Variants in PIK3C2B observed in about 807,000 individuals in gnomAD.
PIK3C2B encodes phosphatidylinositol 4-phosphate 3-kinase C2 domain-containing subunit beta.
Under a neutral mutation model 184.3 loss-of-function variants are expected in PIK3C2B, and 83 were observed. The ratio of observed to expected loss-of-function variants is 0.45; its 90% CI spans 0.38 to 0.54. PIK3C2B has a LOEUF of 0.54. PIK3C2B is among the 20% of genes least tolerant of loss of function. The probability of loss-of-function intolerance (pLI) is 0.00; values close to 1 mark genes in which losing one functional copy is unlikely to be tolerated. For missense variants in PIK3C2B, 1,736 were observed against 2,113.5 expected (o/e 0.82, Z 3.50); for synonymous variants, 779 against 837.6 (o/e 0.93, Z 1.21).
At chr1:204,458,494 A>ATTTT (rs1158541930) in intron 8 of PIK3C2B, among the ~76,000 whole-genome samples, 3 of 142,118 alleles carry the variant, frequency 2.1e-5, no homozygotes, top group African/African-American at 2.6e-5. Flanking sequence ...GGCTATGACA[A>ATTTT]TTTTTTTTTT....
At chr1:204,438,767 G>A (rs1022330985) in intron 23 of PIK3C2B, among the ~76,000 whole-genome samples, 168 bp downstream of exon 23, 4 of 152,172 alleles carry the variant, frequency 2.6e-5, no homozygotes, top group African/African-American at 9.7e-5. Context: ...ATTTGAGTGA[G>A]TCACCCCCAG....
In PIK3C2B at chr1:204,446,061, GCGAGCACCAGGGGGAGCGAGCTCACCTC is replaced by G; in HGVS notation, c.2545_2572del (p.Glu849ProfsTer18). 1 of 1,601,760 alleles carries G rather than the reference GCGAGCACCAGGGGGAGCGAGCTCACCTC, an allele frequency of 6.2e-7. No individual in the cohort carries two copies. Among genetic ancestry groups the G allele is most frequent in the Non-Finnish European group, 8.5e-7 (1 of 1,171,696 alleles). ...AGCCCACTCCCAGCTGGGGGCGCTG[GCGAGCACCAGGGGGAGCGAGCTCACCTC>G]CGAGTGGCAGTAATATCGCTTCTCC... On this transcript the variant is annotated frameshift_variant, in exon 16 of 33. Coordinates refer to ENST00000684373, the MANE Select transcript of PIK3C2B (RefSeq NM_001377334.1). LOFTEE classifies it high-confidence loss of function.
At chr1:204,475,281 C>G (rs560130471) in intron 1 of PIK3C2B, among the ~76,000 whole-genome samples, 1 of 152,200 alleles carries the variant, frequency 6.6e-6, no homozygotes, top group African/African-American at 2.4e-5. Context: ...GTGATACCTC[C>G]GTGACTTGGT....
intron 5 of PIK3C2B, among the ~76,000 whole-genome samples, chr1:204,463,232 T>C (rs1001426863): frequency 6.6e-6 from 1 of 152,220 alleles, no homozygotes; most frequent in Admixed American, 6.5e-5. Context: ...CTCCTTTCTC[T>C]ATTCCCAAAA....
At chr1:204,468,342 T>C (rs1348684140) in intron 2 of PIK3C2B, among the ~76,000 whole-genome samples, 1 of 152,170 alleles carries the variant, frequency 6.6e-6, no homozygotes, top group Non-Finnish European at 1.5e-5. Context: ...CTGGCCCTGC[T>C]ATTGCTTGCT....
rs775816460 is a variant in PIK3C2B, at chr1:204,460,320, T to G, written c.1502+4A>C. On this transcript the variant is annotated splice_donor_region_variant and intron_variant, in intron 7 of 32. Transcript: ENST00000684373. Reference sequence around the variant, plus strand: ...AGCACATCCAAGATGGTGCCCACACTCACCTGCTGATGGTCTGCTTGACAG... The same window carrying G: ...AGCACATCCAAGATGGTGCCCACACGCACCTGCTGATGGTCTGCTTGACAG... 6.2e-7 allele frequency: 1 copy of G among 1,610,464 alleles called. No homozygotes were observed. Among genetic ancestry groups the G allele is most frequent in the East Asian group, 2.2e-5 (1 of 44,848 alleles).
chr1:204,453,229 T>C (rs1387148366), intron 12 of PIK3C2B, among the ~76,000 whole-genome samples: 1 of 152,118 alleles, frequency 6.6e-6, no homozygotes, highest in Admixed American at 6.6e-5. Flanking sequence ...AACAGGGGAT[T>C]TTCTGACTGA....
intron 12 of PIK3C2B, among the ~76,000 whole-genome samples, chr1:204,451,865 CA>C (rs1654387269): frequency 6.6e-6 from 1 of 152,174 alleles, no homozygotes; most frequent in South Asian, 2.1e-4. Flanking sequence ...AAGCCTGTGC[CA>C]AGTACTTTAT....
At chr1:204,469,948 T>TA (rs1438833803) in intron 1 of PIK3C2B, 62 bp from the exon 2 acceptor site, 1 of 611,930 alleles carries the variant, frequency 1.6e-6, no homozygotes, top group African/African-American at 1.9e-5. Flanking sequence ...TCATCCATAA[T>TA]AATCCAATTT....
chr1:204,443,524 A>C lies in PIK3C2B; in HGVS notation c.2941T>G (p.Cys981Gly). The C allele has an allele frequency of 1.9e-6, 3 of 1,614,228 alleles. No homozygotes were observed. Among genetic ancestry groups the C allele is most frequent in the Non-Finnish European group, 2.5e-6 (3 of 1,180,028 alleles). Residue 981 changes from cysteine (C) to glycine (G), a missense_variant, in exon 19 of 33, where the codon TGC becomes GGC. Transcript: ENST00000684373. ...TCTTCTCTCAGCCCCTTGCCACAGC[A>C]GCACAGTAAGGCTGCCAGCAGATAC... ...YQYLLAALLC[C>G]CGKGLREEFN...
chr1:204,461,520 G>A (rs1222770505), intron 5 of PIK3C2B, among the ~76,000 whole-genome samples: 1 of 152,178 alleles, frequency 6.6e-6, no homozygotes, highest in Non-Finnish European at 1.5e-5. Context: ...GCAGAGCTGG[G>A]AATCTAGGCC....
rs144719096 is a variant in PIK3C2B, at chr1:204,469,175, C to T, written c.628G>A (p.Glu210Lys). The T allele has an allele frequency of 1.1e-5, 17 of 1,613,780 alleles. No individual in the cohort carries two copies. The African/African-American group carries it at 2.0e-4, about 19-fold the overall frequency. The change falls in exon 2 of 33, where the codon GAG becomes AAG. Residue 210 changes from glutamate (E) to lysine (K), a missense_variant. Glu to Lys is a moderately conservative substitution (Grantham distance 56). This residue lies in a region of PIK3C2B where 404 missense variants were observed against 418.0 expected (regional missense o/e 0.97). Transcript: ENST00000684373. ...GKLLEHRILEEEEVLGGGGQG... is the reference protein window; with the variant it reads ...GKLLEHRILEKEEVLGGGGQG... ...CCCCCACCTCCCAGCACCTCTTCCT[C>T]TTCTAGGATCCGATGCTCTAGCAGT...
Position 204,447,675 on chromosome 1 carries a change from C to G in PIK3C2B, c.2347-97G>C, listed in dbSNP as rs920076622. The G allele has an allele frequency of 1.0e-5, 8 of 775,322 alleles. No individual in the cohort carries two copies. The highest frequency in any genetic ancestry group is 1.6e-5 in the South Asian group (1 of 61,268). The allele number at this position is 775,322 out of a possible 1,614,324, so 48.0% of individuals were successfully genotyped here. A position where few individuals can be genotyped will look rare whatever the true frequency, so the allele number is the denominator to read the frequency against. On this transcript the variant is annotated intron_variant, in intron 14 of 32. Transcript: ENST00000684373. This position sits in a 1 kb window ranked among gnomAD's most constrained non-coding sequence, Gnocchi z 4.1. ...ACCCCAGCATTCCGGCCTTGTCCCT[C>G]CCTCACTTTCCCTCAGGTTCTTTGT...
At position 204,430,006 on chromosome 1, in the gene PIK3C2B, C is replaced by T. The variant is rs776111034; in HGVS notation, c.4313G>A (p.Arg1438Gln). 11 of 1,610,724 alleles carry T rather than the reference C, an allele frequency of 6.8e-6. No homozygotes were observed. The highest frequency in any genetic ancestry group is 1.1e-5 in the South Asian group (1 of 91,066). Residue 1438 changes from arginine (R) to glutamine (Q), a missense_variant, in exon 29 of 33, where the codon CGG becomes CAG. By Grantham distance (43) the Arg-to-Gln change is conservative (BLOSUM62 1). Coordinates refer to ENST00000684373, the MANE Select transcript of PIK3C2B (RefSeq NM_001377334.1). ...CCGCCGCTCGGCCACCGCCTCTCCCCGGGAGCGGCCGATCACGAAGCGACT... is the reference window on the plus strand; with the variant it reads ...CCGCCGCTCGGCCACCGCCTCTCCCTGGGAGCGGCCGATCACGAAGCGACT... ...FPSRFVIGRS[R>Q]GEAVAERRRE...
At chr1:204,444,963 TGA>T (rs1653722149) in intron 16 of PIK3C2B, among the ~76,000 whole-genome samples, 1 of 152,178 alleles carries the variant, frequency 6.6e-6, no homozygotes, top group Admixed American at 6.5e-5. Flanking sequence ...TTTTGATTAC[TGA>T]GAGTGGCGAG....
At chr1:204,493,530 C>CACACAT (rs1327148765) in intron 1 of PIK3C2B, among the ~76,000 whole-genome samples, 48 of 149,220 alleles carry the variant, frequency 3.2e-4, no homozygotes, top group African/African-American at 8.1e-4. Context: ...AGAAAACACA[C>CACACAT]ACACACACAC....
rs778251997 is a variant in PIK3C2B at position 204,432,164 on chromosome 1, A to G, written c.4155+36T>C. ...TCCCAGCAAGCCAGGGTCAGCAGAGAGCAGGAAAGGGGGTCAGATTGGAGA... is the reference window on the plus strand; with the variant it reads ...TCCCAGCAAGCCAGGGTCAGCAGAGGGCAGGAAAGGGGGTCAGATTGGAGA... On this transcript the variant is annotated intron_variant, in intron 27 of 32. Transcript: ENST00000684373. The G allele has an allele frequency of 4.4e-6, 7 of 1,580,522 alleles. No homozygotes were observed. In the African/African-American group the frequency reaches 8.1e-5, roughly 18 times the overall value.
chr1:204,470,687 G>C (rs1267741475), intron 1 of PIK3C2B, among the ~76,000 whole-genome samples: 1 of 152,214 alleles, frequency 6.6e-6, no homozygotes, highest in Non-Finnish European at 1.5e-5. Flanking sequence ...TCTACACAAA[G>C]ACTTGTTCAT....
intron 12 of PIK3C2B, among the ~76,000 whole-genome samples, chr1:204,451,597 C>T (rs2999491): frequency 0.85 from 130,024 of 152,098 alleles, 58,322 homozygotes; most frequent in Non-Finnish European, 0.99. Flanking sequence ...GCTCCAGTCC[C>T]GGTTCTGCCA....
Sources: allele counts gnomAD v4.1 joint callset (sites outside exome capture counted in the v4.1 genomes callset), GRCh38; gene constraint gnomAD v4.1.1; regional missense constraint gnomAD v4.1.1; non-coding constraint Gnocchi (gnomAD v3.1); transcripts MANE v1.5; gene names NCBI Gene and HGNC (gene_info 2026-07-23, HGNC 2026-07-21).